MALRD1: variants seen among roughly 807,000 people sequenced by gnomAD.
MALRD1 encodes the protein MAM and LDL-receptor class A domain-containing protein 1.
Under a neutral mutation model 242.1 loss-of-function variants are expected in MALRD1, and 247 were observed. The observed-to-expected ratio is 1.02, with a 90% confidence interval of 0.92 to 1.13. The LOEUF (loss-of-function observed/expected upper bound fraction) is 1.13. Ranked by LOEUF, MALRD1 falls within the 50% of genes most tolerant of loss-of-function variation. The probability of loss-of-function intolerance (pLI) is 0.00; values close to 1 mark genes in which losing one functional copy is unlikely to be tolerated. For synonymous variants in MALRD1, 995 were observed against 866.6 expected (o/e 1.15, Z -2.60); for missense variants, 2,989 against 2,533.1 (o/e 1.18, Z -3.86).
rs141666816 is a variant in MALRD1 at position 19,549,873 on chromosome 10, C to T, written c.5479-17629C>T. ...AGGATTGGAATCTGGTTCCTAATTCCTAACTATTACATTGCTCAGCCTTCT... is the reference window on the plus strand; with the variant it reads ...AGGATTGGAATCTGGTTCCTAATTCTTAACTATTACATTGCTCAGCCTTCT... On this transcript the variant is annotated intron_variant, in intron 32 of 39. Transcript: ENST00000454679. 1.6e-4 allele frequency among the ~76,000 whole-genome samples: 25 copies of T among 152,278 alleles called. 1 individual carries two copies. The East Asian group carries it at 4.6e-3, about 28-fold the overall frequency.
Position 19,117,941 on chromosome 10 carries a change from G to A in MALRD1, c.695-5551G>A, listed in dbSNP as rs151028987. ...GTTTTTTAGATAGTCGTGTGATAGC[G>A]GTGAAAAAGCAAATAGTAATCATTG... On this transcript the variant is annotated intron_variant, in intron 5 of 39. Coordinates refer to ENST00000454679, the MANE Select transcript of MALRD1 (RefSeq NM_001142308.3). Among the ~76,000 whole-genome samples the A allele has an allele frequency of 5.1e-4, 77 of 151,042 alleles. No individual in the cohort carries two copies. In the East Asian group the frequency reaches 0.012, roughly 23 times the overall value.
chr10:19,334,730 T>C (rs1480219841), intron 24 of MALRD1, among the ~76,000 whole-genome samples: 2 of 152,260 alleles, frequency 1.3e-5, no homozygotes, highest in South Asian at 4.1e-4. Flanking sequence ...CTTTACCTTA[T>C]GAATATTTTC....
intron 4 of MALRD1, among the ~76,000 whole-genome samples, chr10:19,095,957 T>G (rs564521157): frequency 2.6e-5 from 4 of 152,180 alleles, no homozygotes; most frequent in Admixed American, 2.0e-4. Flanking sequence ...ATAAGTGAGA[T>G]GAGAATCTTA....
At chr10:19,376,976 AATTAT>A (rs1235767114) in intron 26 of MALRD1, among the ~76,000 whole-genome samples, 1 of 152,204 alleles carries the variant, frequency 6.6e-6, no homozygotes, top group African/African-American at 2.4e-5. Flanking sequence ...TTATTTTTCA[AATTAT>A]ATTAAGTAAA....
rs187811545 is a variant in MALRD1, at chr10:19,277,306, A to G, written c.3080-2741A>G. 5.9e-5 allele frequency among the ~76,000 whole-genome samples: 9 copies of G among 152,308 alleles called. No individual in the cohort carries two copies. In the East Asian group the frequency reaches 1.5e-3, roughly 26 times the overall value. ...ATCTTGGGGAATAGAATGCTCATTT[A>G]CTTAACAATCTATTAATCATTTCAA... On this transcript the variant is annotated intron_variant, in intron 19 of 39. Coordinates refer to ENST00000454679, the MANE Select transcript of MALRD1 (RefSeq NM_001142308.3).
chr10:19,265,119 G>T (rs1309049767), intron 19 of MALRD1, among the ~76,000 whole-genome samples: 2 of 150,624 alleles, frequency 1.3e-5, no homozygotes, highest in South Asian at 2.1e-4. Flanking sequence ...TATTTATTTG[G>T]GTCTTCTGTT....
chr10:19,731,683 TTAAG>T lies in MALRD1; in HGVS notation c.6390+908_6390+911del, dbSNP rs931975396. On this transcript the variant is annotated intron_variant, in intron 39 of 39. Coordinates refer to ENST00000454679, the MANE Select transcript of MALRD1 (RefSeq NM_001142308.3). ...TTCTTTTTATTTTCCCATTCCTTTCTTAAGTAAGTGTTATGAGAATTCATCTGGA... is the reference window on the plus strand; with the variant it reads ...TTCTTTTTATTTTCCCATTCCTTTCTTAAGTGTTATGAGAATTCATCTGGA... Among the ~76,000 whole-genome samples, 9 of 152,222 alleles carry T rather than the reference TTAAG, an allele frequency of 5.9e-5. No homozygotes were observed. In the South Asian group the frequency reaches 1.2e-3, roughly 21 times the overall value.
chr10:19,481,844 G>A (rs1448312836), intron 29 of MALRD1, among the ~76,000 whole-genome samples: 4 of 151,874 alleles, frequency 2.6e-5, no homozygotes, highest in African/African-American at 2.4e-5. Flanking sequence ...GTACAAGCTG[G>A]GGCTGCTTTT....
chr10:19,718,034 AGG>A (rs1447635997), intron 38 of MALRD1, among the ~76,000 whole-genome samples: 2 of 119,988 alleles, frequency 1.7e-5, no homozygotes, highest in Non-Finnish European at 3.3e-5. Context: ...ATAAATAAAG[AGG>A]AAGAAGAAGA....
chr10:19,424,832 C>A (rs1833842884), intron 28 of MALRD1, among the ~76,000 whole-genome samples: 1 of 151,652 alleles, frequency 6.6e-6, no homozygotes, highest in Admixed American at 6.6e-5. Flanking sequence ...GGAGCAGATA[C>A]CAGTAACTGG....
chr10:19,086,704 G>A (rs1270689141), intron 2 of MALRD1, among the ~76,000 whole-genome samples: 1 of 152,074 alleles, frequency 6.6e-6, no homozygotes, highest in African/African-American at 2.4e-5. Context: ...CATGAAAAGT[G>A]GCTCATCAGT....
chr10:19,451,234 C>A (rs1164407738), intron 29 of MALRD1, among the ~76,000 whole-genome samples: 1 of 152,016 alleles, frequency 6.6e-6, no homozygotes. Flanking sequence ...GGTTAGAAAT[C>A]TGGTAGTAAG....
At chr10:19,377,636 A>T (rs1845664891) in intron 26 of MALRD1, among the ~76,000 whole-genome samples, 1 of 90,926 alleles carries the variant, frequency 1.1e-5, no homozygotes, top group Non-Finnish European at 2.3e-5. Flanking sequence ...CTCAGTCATA[A>T]TTATTTTTTT....
intron 14 of MALRD1, among the ~76,000 whole-genome samples, chr10:19,202,515 A>T (rs940001481): frequency 2.6e-5 from 4 of 152,162 alleles, no homozygotes; most frequent in Non-Finnish European, 5.9e-5. Context: ...CTATAATTTT[A>T]TTATTACATT....
chr10:19,109,826 G>A (rs1836611788), intron 5 of MALRD1, among the ~76,000 whole-genome samples: 1 of 152,226 alleles, frequency 6.6e-6, no homozygotes, highest in Non-Finnish European at 1.5e-5. Flanking sequence ...CTTTGGAGCA[G>A]CATAACCATG....
chr10:19,416,454 A>T (rs17670074), intron 28 of MALRD1, among the ~76,000 whole-genome samples: 210 of 151,986 alleles, frequency 1.4e-3, no homozygotes, highest in African/African-American at 5.0e-3. Flanking sequence ...TCCTGATAAC[A>T]ACTAGCAGCT....
chr10:19,667,981 C>T (rs892651494), intron 36 of MALRD1, among the ~76,000 whole-genome samples: 3 of 152,046 alleles, frequency 2.0e-5, no homozygotes, highest in African/African-American at 7.2e-5. Context: ...GCTGTGTCTT[C>T]ACATGATGGA....
chr10:19,331,114 C>T (rs1399036981), intron 23 of MALRD1, among the ~76,000 whole-genome samples: 1 of 152,082 alleles, frequency 6.6e-6, no homozygotes, highest in African/African-American at 2.4e-5. Context: ...TTTCTAGACC[C>T]ATATCCTAAA....
chr10:19,622,654 A>G (rs1232078208), intron 36 of MALRD1, among the ~76,000 whole-genome samples: 1 of 149,586 alleles, frequency 6.7e-6, no homozygotes, highest in Non-Finnish European at 1.5e-5. Context: ...ACTGAAAAAA[A>G]AAAAAACAAA....
Sources: allele counts gnomAD v4.1 joint callset (sites outside exome capture counted in the v4.1 genomes callset), GRCh38; gene constraint gnomAD v4.1.1; transcripts MANE v1.5; gene names NCBI Gene and HGNC (gene_info 2026-07-23, HGNC 2026-07-21).